The following SSX2IP variants were observed in gnomAD, a reference collection of about 807,000 sequenced individuals.
SSX2IP encodes SSX family member 2 interacting protein.
In SSX2IP, 55 loss-of-function variants were observed where a neutral mutation model predicts 84.9. That is an observed-to-expected ratio of 0.65 (90% confidence interval 0.52 to 0.81). The LOEUF (loss-of-function observed/expected upper bound fraction) is 0.81, where lower values mean the gene tolerates loss of function less well. Ranked by LOEUF, SSX2IP falls within the 30% of genes least tolerant of loss-of-function variation. The pLI, the probability that SSX2IP is intolerant of heterozygous loss-of-function variation, is 0.00. For missense variants in SSX2IP, 664 were observed against 705.2 expected, an observed-to-expected ratio of 0.94 and a Z score of 0.66; for synonymous variants, 239 against 234.7, an observed-to-expected ratio of 1.02 and a Z score of -0.17.
rs193053286 is a variant in SSX2IP at position 84,670,336 on chromosome 1, G to A, written c.213+310C>T. On this transcript the variant is annotated intron_variant, in intron 3 of 13. Transcript: ENST00000342203. Reference sequence around the variant, plus strand: ...CCAAAGGACAAAGAGTTAAGAGGACGGGGCTCTTTTAGTCTCTGCTATAAA... The same window carrying A: ...CCAAAGGACAAAGAGTTAAGAGGACAGGGCTCTTTTAGTCTCTGCTATAAA... 4 of 192,360 alleles carry A rather than the reference G, an allele frequency of 2.1e-5. No individual in the cohort carries two copies. In the East Asian group the frequency reaches 5.1e-4, roughly 25 times the overall value. The allele number at this position is 192,360 out of a possible 1,614,324, so 11.9% of individuals were successfully genotyped here.
intron 1 of SSX2IP, among the ~76,000 whole-genome samples, chr1:84,683,118 A>G (rs1434768053): frequency 6.6e-6 from 1 of 151,788 alleles, no homozygotes; most frequent in Non-Finnish European, 1.5e-5. Context: ...TCTTTAGTAC[A>G]GGAGAGGGGG....
At chr1:84,684,197 C>T (rs1275044410) in intron 1 of SSX2IP, among the ~76,000 whole-genome samples, 1 of 152,206 alleles carries the variant, frequency 6.6e-6, no homozygotes, top group Non-Finnish European at 1.5e-5. Flanking sequence ...GCAGCATCAA[C>T]ATCACCTGAC....
intron 6 of SSX2IP, among the ~76,000 whole-genome samples, chr1:84,663,819 G>C (rs1284550332): frequency 6.6e-6 from 1 of 152,162 alleles, no homozygotes; most frequent in East Asian, 1.9e-4. Flanking sequence ...GTATTGTAAA[G>C]CTCTACTTTC....
chr1:84,648,041 C>A (rs1183495463), intron 13 of SSX2IP, among the ~76,000 whole-genome samples: 1 of 152,042 alleles, frequency 6.6e-6, no homozygotes, highest in South Asian at 2.1e-4. Context: ...AGGTAACTTA[C>A]GCACAAGTCT....
intron 1 of SSX2IP, among the ~76,000 whole-genome samples, chr1:84,687,285 G>A (rs1392109152): frequency 6.6e-6 from 1 of 152,188 alleles, no homozygotes; most frequent in Admixed American, 6.5e-5. Context: ...AGAACAACTG[G>A]AGTTAAGATT....
At chr1:84,664,378 CTTAT>C (rs770711731) in intron 6 of SSX2IP, 35 bp downstream of exon 6, 13 of 1,530,758 alleles carry the variant, frequency 8.5e-6, no homozygotes, top group African/African-American at 1.4e-5. Context: ...ATAGTATTAG[CTTAT>C]TTATTCTCTT....
At chr1:84,680,020 T>G (rs1385947726) in intron 1 of SSX2IP, among the ~76,000 whole-genome samples, 1 of 152,176 alleles carries the variant, frequency 6.6e-6, no homozygotes, top group Non-Finnish European at 1.5e-5. Flanking sequence ...GACTACTCCT[T>G]TAAGAACCAG....
At position 84,656,548 on chromosome 1, in the gene SSX2IP, A is replaced by G. The variant is rs187802459; in HGVS notation, c.1079-64T>C. ...CACCACTTAGTTTACAGTGTTTTGC[A>G]CATATCTTTAAAACAAGGGCTCTCA... is the stretch of plus-strand genomic sequence containing the variant. On this transcript the variant is annotated intron_variant, in intron 9 of 13. Transcript: ENST00000342203. 28 of 1,406,668 alleles carry G rather than the reference A, an allele frequency of 2.0e-5. No homozygotes were observed. The East Asian group carries it at 4.6e-4, about 23-fold the overall frequency. 87.1% of individuals were successfully genotyped at this position (1,406,668 alleles called of 1,614,324 possible).
intron 11 of SSX2IP, among the ~76,000 whole-genome samples, chr1:84,654,381 G>C (rs1354413990): frequency 1.3e-5 from 2 of 151,594 alleles, no homozygotes; most frequent in African/African-American, 4.8e-5. Context: ...TCAAAGTTTT[G>C]AAGGAAAAAA....
chr1:84,672,083 G>C (rs1653659001), intron 1 of SSX2IP, among the ~76,000 whole-genome samples: 1 of 152,160 alleles, frequency 6.6e-6, no homozygotes, highest in African/African-American at 2.4e-5. Context: ...CTAAGTATAA[G>C]ACACCTTTTC....
chr1:84,688,666 G>T (rs1419018815), intron 1 of SSX2IP, among the ~76,000 whole-genome samples: 1 of 152,196 alleles, frequency 6.6e-6, no homozygotes, highest in Admixed American at 6.5e-5. Flanking sequence ...CAATTTCAGC[G>T]TAACATTTTA....
intron 13 of SSX2IP, among the ~76,000 whole-genome samples, chr1:84,649,286 T>C (rs939155197): frequency 2.6e-5 from 4 of 152,176 alleles, no homozygotes; most frequent in Admixed American, 2.6e-4. Flanking sequence ...TCCATCCTCA[T>C]CTCACACCTC....
At chr1:84,658,490 G>A (rs372262794) in intron 8 of SSX2IP, 22 bp from the exon 9 acceptor site, 24 of 1,609,378 alleles carry the variant, frequency 1.5e-5, no homozygotes, top group African/African-American at 2.7e-5. Flanking sequence ...GAGAGATGAA[G>A]AGGAAAGGCT....
At chr1:84,673,153 T>C (rs1380634598) in intron 1 of SSX2IP, among the ~76,000 whole-genome samples, 2 of 152,080 alleles carry the variant, frequency 1.3e-5, no homozygotes, top group African/African-American at 4.8e-5. Flanking sequence ...GAGATAGAAA[T>C]AAATACTAAA....
intron 4 of SSX2IP, among the ~76,000 whole-genome samples, chr1:84,667,409 C>A (rs1349578819): frequency 6.6e-6 from 1 of 152,110 alleles, no homozygotes; most frequent in Non-Finnish European, 1.5e-5. Context: ...ATTAGCACTA[C>A]CTTAGTTCAA....
chr1:84,663,082 T>C (rs571182716), intron 6 of SSX2IP, among the ~76,000 whole-genome samples: 1 of 152,146 alleles, frequency 6.6e-6, no homozygotes, highest in African/African-American at 2.4e-5. Context: ...TATATGGATC[T>C]ATACAGAAAA....
In SSX2IP at chr1:84,668,993, A is replaced by C. The variant is rs74098431; in HGVS notation, c.426+688T>G. On this transcript the variant is annotated intron_variant, in intron 4 of 13. Transcript: ENST00000342203. Reference sequence around the variant, plus strand: ...ATTATACCCTTAATAATATACAACTATAAGTCCCAACCACCCCACGATTTT... The same window carrying C: ...ATTATACCCTTAATAATATACAACTCTAAGTCCCAACCACCCCACGATTTT... Among the ~76,000 whole-genome samples the C allele has an allele frequency of 9.8e-3, 1,489 of 152,240 alleles. 21 individuals carry two copies. The highest frequency in any genetic ancestry group is 0.034 in the African/African-American group (1,407 of 41,536).
At chr1:84,689,171 A>G (rs574718164) in intron 1 of SSX2IP, among the ~76,000 whole-genome samples, 23 of 152,356 alleles carry the variant, frequency 1.5e-4, no homozygotes, top group African/African-American at 5.3e-4. Flanking sequence ...TAACTTCTAA[A>G]TTTCAAAATA....
At chr1:84,668,355 A>G (rs1653050720) in intron 4 of SSX2IP, among the ~76,000 whole-genome samples, 1 of 152,174 alleles carries the variant, frequency 6.6e-6, no homozygotes, top group Non-Finnish European at 1.5e-5. Flanking sequence ...TCCATAACTC[A>G]TAACCTTTTC....
Sources: gnomAD v4.1 joint callset for allele counts (sites outside exome capture counted in the v4.1 genomes callset) on GRCh38, gnomAD v4.1.1 for gene constraint, MANE v1.5 for transcripts, NCBI Gene and HGNC (gene_info 2026-07-23, HGNC 2026-07-21) for gene names.